The following MCC variants were observed in gnomAD, a reference collection of about 807,000 sequenced individuals.
The protein encoded by MCC is MCC regulator of Wnt signaling pathway, also known as colorectal mutant cancer protein.
In MCC, 90 loss-of-function variants were observed where a neutral mutation model predicts 116.2. That is an observed-to-expected ratio of 0.77 (90% CI 0.65 to 0.92). The LOEUF (loss-of-function observed/expected upper bound fraction) is 0.92, where lower values mean the gene tolerates loss of function less well. MCC is among the 40% of genes least tolerant of loss of function. The pLI, the probability that MCC is intolerant of heterozygous loss-of-function variation, is 0.00. For missense variants in MCC, 1,516 were observed against 1,312.2 expected, an observed-to-expected ratio of 1.16 and a Z score of -2.40; for synonymous variants, 578 against 510.5, an observed-to-expected ratio of 1.13 and a Z score of -1.78.
chr5:113,293,264 C>G (rs559701886), intron 3 of MCC, among the ~76,000 whole-genome samples: 1 of 152,086 alleles, frequency 6.6e-6, no homozygotes, highest in South Asian at 2.1e-4. Context: ...CGCAGGGGCT[C>G]CATCCCTGCA....
At chr5:113,394,987 C>A (rs531483826) in intron 1 of MCC, among the ~76,000 whole-genome samples, 1 of 152,124 alleles carries the variant, frequency 6.6e-6, no homozygotes, top group African/African-American at 2.4e-5. Context: ...ATATGGCCCA[C>A]AAAACCAAAA....
At chr5:113,469,841 A>T (rs1279580352) in intron 1 of MCC, among the ~76,000 whole-genome samples, 1 of 152,092 alleles carries the variant, frequency 6.6e-6, no homozygotes, top group Non-Finnish European at 1.5e-5. Context: ...GTCACTAAGG[A>T]CTTGCTTTAT....
In MCC at chr5:113,122,786, G is replaced by T. The variant is rs370714063; in HGVS notation, c.925C>A (p.Gln309Lys). The T allele has an allele frequency of 5.0e-6, 8 of 1,614,042 alleles. No homozygotes were observed. Among genetic ancestry groups the T allele is most frequent in the Admixed American group, 1.7e-5 (1 of 60,000 alleles). ...EYSELRSELS[Q>K]SQHEVNEDSR... ...TCCTCGTTGACCTCGTGTTGGCTCT[G>T]GCTGAGTTCTGATCGCAGTTCTGAG... Residue 309 changes from glutamine to lysine, a missense_variant, in exon 6 of 19, where the codon CAG (glutamine) becomes AAG (lysine). Coordinates refer to ENST00000408903, the MANE Select transcript of MCC (RefSeq NM_001085377.2).
At chr5:113,186,778 T>G (rs1163897363) in intron 3 of MCC, among the ~76,000 whole-genome samples, 2 of 152,128 alleles carry the variant, frequency 1.3e-5, no homozygotes, top group African/African-American at 4.8e-5. Flanking sequence ...GGTAGAAGTT[T>G]CCTATCTTGC....
Position 113,209,995 on chromosome 5 carries a change from T to A in MCC, c.628-58573A>T, listed in dbSNP as rs184280500. On this transcript the variant is annotated intron_variant, in intron 3 of 18. Transcript: ENST00000408903. ...GTCTATCGGAGTGATAAGATTGGTA[T>A]GATATGGTCTCCACCTGACTTAAAG... Among the ~76,000 whole-genome samples, 8 of 152,360 alleles carry A rather than the reference T, an allele frequency of 5.3e-5. No homozygotes were observed. In the East Asian group the frequency reaches 1.5e-3, roughly 29 times the overall value.
intron 14 of MCC, among the ~76,000 whole-genome samples, chr5:113,054,295 G>T (rs922421699): frequency 6.6e-6 from 1 of 152,170 alleles, no homozygotes; most frequent in Non-Finnish European, 1.5e-5. Context: ...ATCAAAAGGA[G>T]GGAAATCATG....
chr5:113,324,749 T>C (rs1192844861), intron 3 of MCC, among the ~76,000 whole-genome samples: 1 of 152,236 alleles, frequency 6.6e-6, no homozygotes, highest in Admixed American at 6.5e-5. Context: ...CAAATATTCA[T>C]TTCCTTAATT....
intron 3 of MCC, among the ~76,000 whole-genome samples, chr5:113,179,939 A>C (rs1197493240): frequency 6.6e-6 from 1 of 152,186 alleles, no homozygotes; most frequent in Non-Finnish European, 1.5e-5. Flanking sequence ...ATACATACCT[A>C]AACATATACA....
At chr5:113,459,406 T>C (rs996011435) in intron 1 of MCC, among the ~76,000 whole-genome samples, 6 of 151,628 alleles carry the variant, frequency 4.0e-5, no homozygotes, top group African/African-American at 1.5e-4. Flanking sequence ...GGCGTGGTTG[T>C]GGGTGCCTGT....
rs965386964 is a variant in MCC, at chr5:113,024,105, C to G, written c.*3197G>C. 6.6e-6 allele frequency: 1 copy of G among 152,168 alleles called. No individual in the cohort carries two copies. The highest frequency in any genetic ancestry group is 1.5e-5 in the Non-Finnish European group (1 of 68,046). 9.4% of individuals were successfully genotyped at this position (152,168 alleles called of 1,614,324 possible). A position where few individuals can be genotyped will look rare whatever the true frequency, so the allele number is the denominator to read the frequency against. ...GCCTATGGGCTCTAATTTGGACTTC[C>G]TTTTGGAGTAGAATGTCAAGGCTCT... is the stretch of plus-strand genomic sequence containing the variant. On this transcript the variant is annotated 3_prime_UTR_variant, in exon 19 of 19. Transcript: ENST00000408903.
At chr5:113,043,743 C>T in intron 16 of MCC, 113 bp from the exon 17 acceptor site, 2 of 672,728 alleles carry the variant, frequency 3.0e-6, no homozygotes, top group African/African-American at 1.8e-5. Flanking sequence ...AGTGTGGGCA[C>T]CGGGTGGCGC....
intron 9 of MCC, 145 bp downstream of exon 9, chr5:113,085,019 G>T: frequency 9.5e-7 from 1 of 1,048,430 alleles, no homozygotes; most frequent in Non-Finnish European, 1.4e-6. Context: ...TGCAGCTCCT[G>T]CATAGAAGGC....
intron 8 of MCC, among the ~76,000 whole-genome samples, chr5:113,094,540 C>A (rs548658183): frequency 3.3e-5 from 5 of 151,904 alleles, no homozygotes; most frequent in African/African-American, 1.2e-4. Context: ...CCTGCCTCAG[C>A]CTCCCAAGCA....
At chr5:113,386,611 A>G (rs924222854) in intron 1 of MCC, among the ~76,000 whole-genome samples, 11 of 152,182 alleles carry the variant, frequency 7.2e-5, no homozygotes, top group Admixed American at 2.0e-4. Context: ...CTTTCAATTT[A>G]TGCCAGGCCT....
In MCC at chr5:113,086,749, C is replaced by CGGTCCTTACAAATGGACATCAGACTT. The variant is rs574774617; in HGVS notation, c.1399-1465_1399-1440dup. ...AGAGCAAACTAACTACAACACCCAGCGGTCCTTACAAATGGACATCAGACT... is the reference window on the plus strand; with the variant it reads ...AGAGCAAACTAACTACAACACCCAGCGGTCCTTACAAATGGACATCAGACTTGGTCCTTACAAATGGACATCAGACT... On this transcript the variant is annotated intron_variant, in intron 8 of 18. Coordinates refer to ENST00000408903, the MANE Select transcript of MCC (RefSeq NM_001085377.2). Among the ~76,000 whole-genome samples the CGGTCCTTACAAATGGACATCAGACTT allele has an allele frequency of 9.7e-3, 1,483 of 152,276 alleles. 17 individuals are homozygous for CGGTCCTTACAAATGGACATCAGACTT. The highest frequency in any genetic ancestry group is 0.033 in the African/African-American group (1,377 of 41,524).
intron 3 of MCC, among the ~76,000 whole-genome samples, chr5:113,159,933 C>A (rs1213236672): frequency 6.6e-6 from 1 of 152,186 alleles, no homozygotes. Context: ...TTTGTGTGCC[C>A]TAGATCAACT....
intron 1 of MCC, among the ~76,000 whole-genome samples, chr5:113,419,820 A>G (rs1393023446): frequency 3.5e-5 from 5 of 142,124 alleles, no homozygotes; most frequent in Middle Eastern, 3.4e-3. Context: ...GAATTGAACA[A>G]TGAGAACACA....
chr5:113,111,825 G>T (rs937252245), intron 6 of MCC, among the ~76,000 whole-genome samples: 6 of 152,192 alleles, frequency 3.9e-5, no homozygotes, highest in Admixed American at 2.0e-4. Flanking sequence ...TGAAAACTAA[G>T]AATCCTAATG....
At chr5:113,176,877 C>T (rs893392324) in intron 3 of MCC, among the ~76,000 whole-genome samples, 5 of 152,132 alleles carry the variant, frequency 3.3e-5, no homozygotes, top group African/African-American at 1.2e-4. Flanking sequence ...AGCTCAGGGT[C>T]CACTGCTTGT....
Sources: gnomAD v4.1 joint callset for allele counts (sites outside exome capture counted in the v4.1 genomes callset) on GRCh38, gnomAD v4.1.1 for gene constraint, MANE v1.5 for transcripts, NCBI Gene and HGNC (gene_info 2026-07-23, HGNC 2026-07-21) for gene names.